The following SIPA1L2 variants were observed in gnomAD, a reference collection of about 807,000 sequenced individuals.
SIPA1L2 encodes signal-induced proliferation-associated 1-like protein 2.
Under a neutral mutation model 163.9 loss-of-function variants are expected in SIPA1L2, and 56 were observed. The ratio of observed to expected loss-of-function variants is 0.34; its 90% CI spans 0.28 to 0.43. SIPA1L2 has a LOEUF of 0.43. SIPA1L2 is among the 20% of genes least tolerant of loss of function. The pLI is 1.00. For synonymous variants in SIPA1L2, 877 were observed against 865.7 expected (o/e 1.01, Z -0.23); for missense variants, 1,974 against 2,193.5 (o/e 0.90, Z 2.00).
At chr1:232,526,747 G>T (rs190500417) in intron 2 of SIPA1L2, among the ~76,000 whole-genome samples, 23 of 152,280 alleles carry the variant, frequency 1.5e-4, no homozygotes, top group African/African-American at 5.1e-4. Flanking sequence ...GTGGGCCTAG[G>T]CAGCAAGTCA....
chr1:232,505,897 T>A (rs1338896389), intron 3 of SIPA1L2, among the ~76,000 whole-genome samples: 1 of 152,194 alleles, frequency 6.6e-6, no homozygotes, highest in Non-Finnish European at 1.5e-5. Context: ...AATTTAATAG[T>A]GTCCAACTCC....
In SIPA1L2 at chr1:232,626,039, T is replaced by C. The variant is rs139173498; in HGVS notation, c.-319+3830A>G. On this transcript the variant is annotated intron_variant, in intron 1 of 22. Transcript: ENST00000674635. ...AATTTTAACACAGCTCCTCTCTGGATAGGAAGAACTCTCCTTTAAGTCTGA... is the reference window on the plus strand; with the variant it reads ...AATTTTAACACAGCTCCTCTCTGGACAGGAAGAACTCTCCTTTAAGTCTGA... 1.5e-3 allele frequency among the ~76,000 whole-genome samples: 227 copies of C among 152,298 alleles called. 1 individual carries two copies. The highest frequency in any genetic ancestry group is 5.2e-3 in the African/African-American group (218 of 41,556).
At chr1:232,471,941 G>C (rs898577027) in intron 7 of SIPA1L2, among the ~76,000 whole-genome samples, 9 of 152,340 alleles carry the variant, frequency 5.9e-5, no homozygotes, top group African/African-American at 1.4e-4. Context: ...GCTTCAGCTT[G>C]TATCCTGTGC....
chr1:232,451,405 G>A (rs925250082), intron 10 of SIPA1L2, among the ~76,000 whole-genome samples: 2 of 152,168 alleles, frequency 1.3e-5, no homozygotes, highest in African/African-American at 2.4e-5. Context: ...CCCAGCTCAT[G>A]TGGAGTGTCA....
intron 2 of SIPA1L2, among the ~76,000 whole-genome samples, chr1:232,548,439 C>G (rs1018072935): frequency 4.9e-4 from 74 of 152,278 alleles, no homozygotes; most frequent in African/African-American, 1.6e-3. Flanking sequence ...CCCAGAGTAT[C>G]TTTATTGTTT....
chr1:232,458,876 A>G (rs1664072969), intron 10 of SIPA1L2, among the ~76,000 whole-genome samples: 1 of 152,224 alleles, frequency 6.6e-6, no homozygotes, highest in African/African-American at 2.4e-5. Context: ...CTTTGGACTC[A>G]TAGCAGTACA....
At chr1:232,628,556 G>A (rs1176772248) in intron 1 of SIPA1L2, among the ~76,000 whole-genome samples, 1 of 152,162 alleles carries the variant, frequency 6.6e-6, no homozygotes, top group Non-Finnish European at 1.5e-5. Flanking sequence ...ACTAAATACA[G>A]TAACCAAGTT....
At position 232,486,308 on chromosome 1, in the gene SIPA1L2, A is replaced by G. The variant is rs1163788491; in HGVS notation, c.1807-2342T>C. On this transcript the variant is annotated intron_variant, in intron 5 of 22. Transcript: ENST00000674635. ...TCAGGCAAAGGCCAAACAACTGGACAACTGAAATTTCATGAGACCTCATTG... is the reference window on the plus strand; with the variant it reads ...TCAGGCAAAGGCCAAACAACTGGACGACTGAAATTTCATGAGACCTCATTG... 2.6e-5 allele frequency among the ~76,000 whole-genome samples: 4 copies of G among 152,186 alleles called. No individual in the cohort carries two copies. The East Asian group carries it at 7.7e-4, about 29-fold the overall frequency.
chr1:232,423,179 G>C (rs149866724), intron 18 of SIPA1L2, among the ~76,000 whole-genome samples: 1 of 152,152 alleles, frequency 6.6e-6, no homozygotes, highest in South Asian at 2.1e-4. Flanking sequence ...AGAGGCTAAT[G>C]CAAGTGTGCT....
chr1:232,449,691 C>T (rs1170799917), intron 10 of SIPA1L2, among the ~76,000 whole-genome samples: 1 of 151,726 alleles, frequency 6.6e-6, no homozygotes, highest in Non-Finnish European at 1.5e-5. Context: ...ATTAAAAGGT[C>T]CAGAGAGTAC....
chr1:232,432,557 A>C, intron 15 of SIPA1L2, 86 bp from the exon 16 acceptor site: 1 of 1,266,240 alleles, frequency 7.9e-7, no homozygotes. Flanking sequence ...ACAAGGCTTT[A>C]CTCAAGTCTT....
In SIPA1L2 at chr1:232,409,872, G is replaced by A. The variant is rs12043073; in HGVS notation, c.4762+5622C>T. 0.034 allele frequency among the ~76,000 whole-genome samples: 5,250 copies of A among 152,206 alleles called. 739 individuals carry two copies. The East Asian group carries it at 0.48, about 14-fold the overall frequency. The stretch of plus-strand genomic sequence containing the variant: ...ATTGTTGTTTTTAGCCATAAATGTT[G>A]GGGGTGGTTTGTTACACAGCAATAG... On this transcript the variant is annotated intron_variant, in intron 19 of 22. Coordinates refer to ENST00000674635, the MANE Select transcript of SIPA1L2 (RefSeq NM_020808.5).
rs1558271352 is a variant in SIPA1L2 at position 232,564,247 on chromosome 1, T to TTC, written c.-270+9926_-270+9927insGA. On this transcript the variant is annotated intron_variant, in intron 2 of 22. Coordinates refer to ENST00000674635, the MANE Select transcript of SIPA1L2 (RefSeq NM_020808.5). ...TTTTTTTTTTTTTCGTGTGTGTGTG[T>TTC]GTGTGTGTGTGTGTGTGTGTGTGTG... Among the ~76,000 whole-genome samples, 177 of 38,064 alleles carry TTC rather than the reference T, an allele frequency of 4.7e-3. 15 individuals carry two copies. Among genetic ancestry groups the TTC allele is most frequent in the African/African-American group, 0.011 (112 of 10,200 alleles). 25.0% of individuals were successfully genotyped at this position (38,064 alleles called of 152,430 possible). A position where few individuals can be genotyped will look rare whatever the true frequency, so the allele number is the denominator to read the frequency against.
intron 1 of SIPA1L2, among the ~76,000 whole-genome samples, chr1:232,593,535 T>C (rs1386345120): frequency 6.6e-6 from 1 of 152,178 alleles, no homozygotes; most frequent in Non-Finnish European, 1.5e-5. Flanking sequence ...TTTAGTTTGG[T>C]TTCAGAATTT....
intron 1 of SIPA1L2, among the ~76,000 whole-genome samples, chr1:232,624,138 G>A (rs1024888486): frequency 1.3e-5 from 2 of 151,770 alleles, no homozygotes; most frequent in African/African-American, 2.4e-5. Flanking sequence ...ACATGTATAC[G>A]CATACATACA....
At chr1:232,525,123 G>C (rs1293436539) in intron 2 of SIPA1L2, among the ~76,000 whole-genome samples, 1 of 149,842 alleles carries the variant, frequency 6.7e-6, no homozygotes, top group East Asian at 2.0e-4. Flanking sequence ...AACATTGAAT[G>C]AACAATACCT....
intron 13 of SIPA1L2, 69 bp downstream of exon 13, chr1:232,441,699 G>A: frequency 7.9e-7 from 1 of 1,264,440 alleles, no homozygotes; most frequent in Non-Finnish European, 1.1e-6. Flanking sequence ...ATGAAGTGAT[G>A]GGAGAGGAGG....
chr1:232,473,684 C>T (rs541943156), intron 7 of SIPA1L2, among the ~76,000 whole-genome samples: 159 of 152,184 alleles, frequency 1.0e-3, no homozygotes, highest in Non-Finnish European at 1.7e-3. Context: ...CCTTTCTAGA[C>T]ACATTCTTTT....
chr1:232,475,442 G>A (rs1664998326), intron 7 of SIPA1L2, among the ~76,000 whole-genome samples: 1 of 152,212 alleles, frequency 6.6e-6, no homozygotes, highest in East Asian at 1.9e-4. Flanking sequence ...ATACTCAAGA[G>A]TTTGCACCAG....
Sources: allele counts gnomAD v4.1 joint callset (sites outside exome capture counted in the v4.1 genomes callset), GRCh38; gene constraint gnomAD v4.1.1; transcripts MANE v1.5; gene names NCBI Gene and HGNC (gene_info 2026-07-23, HGNC 2026-07-21).